Variants in EIF2AK3 observed in about 807,000 individuals in gnomAD.
EIF2AK3 encodes eukaryotic translation initiation factor 2 alpha kinase 3.
Under a neutral mutation model 113.5 loss-of-function variants are expected in EIF2AK3, and 50 were observed. The ratio of observed to expected loss-of-function variants is 0.44; its 90% CI spans 0.35 to 0.56. EIF2AK3 has a LOEUF of 0.56. Ranked by LOEUF, EIF2AK3 falls within the 20% of genes least tolerant of loss-of-function variation. The pLI, the probability that EIF2AK3 is intolerant of heterozygous loss-of-function variation, is 0.00. For missense variants in EIF2AK3, 1,185 were observed against 1,378.0 expected (o/e 0.86, Z 2.22); for synonymous variants, 448 against 495.4 (o/e 0.90, Z 1.27).
At chr2:88,588,950 GTTTT>G (rs541472156) in intron 6 of EIF2AK3, 49 bp from the exon 7 acceptor site, 83 of 1,595,468 alleles carry the variant, frequency 5.2e-5, no homozygotes, top group Non-Finnish European at 6.6e-5. Flanking sequence ...TTTTAAAAAG[GTTTT>G]TTTAATTAAA....
At position 88,586,006 on chromosome 2, in the gene EIF2AK3, C is replaced by G. The variant is rs1674720670; in HGVS notation, c.1485G>C (p.Gln495His). 6.2e-7 allele frequency: 1 copy of G among 1,614,122 alleles called. No individual in the cohort carries two copies. Among genetic ancestry groups the G allele is most frequent in the East Asian group, 2.2e-5 (1 of 44,876 alleles). The change falls in exon 9 of 17, where the codon CAG (glutamine) becomes CAC (histidine). Residue 495 changes from glutamine (Q) to histidine (H), a missense_variant. This residue lies in a region of EIF2AK3 where 877 missense variants were observed against 1,024.2 expected (regional missense o/e 0.86). Transcript: ENST00000303236. ...GGTTGTCGAGGAATCTGACTGTAAT[C>G]TGTGTGCTTCGTTTGTTCCTCTCCC... ...YKRERNKRSTQITVRFLDNPH... is the reference protein window; with the variant it reads ...YKRERNKRSTHITVRFLDNPH...
intron 1 of EIF2AK3, among the ~76,000 whole-genome samples, chr2:88,615,205 C>T (rs1159665701): frequency 6.6e-6 from 1 of 152,232 alleles, no homozygotes; most frequent in Non-Finnish European, 1.5e-5. Context: ...TGTCCACACT[C>T]CCATCTACCG....
In EIF2AK3 at chr2:88,625,336, C is replaced by CAGACAT. The variant is rs1553413159; in HGVS notation, c.308+1630_308+1631insATGTCT. Among the ~76,000 whole-genome samples the CAGACAT allele has an allele frequency of 1.8e-3, 229 of 128,984 alleles. 6 individuals are homozygous for CAGACAT. Among genetic ancestry groups the CAGACAT allele is most frequent in the East Asian group, 3.8e-3 (15 of 3,966 alleles). The allele number at this position is 128,984 out of a possible 152,430, so 84.6% of individuals were successfully genotyped here. ...ACACACACACACACACAGACATACACAGAGACAAAATGTTTTCCAAACATA... is the reference window on the plus strand; with the variant it reads ...ACACACACACACACACAGACATACACAGACATAGAGACAAAATGTTTTCCAAACATA... On this transcript the variant is annotated intron_variant, in intron 1 of 16. Coordinates refer to ENST00000303236, the MANE Select transcript of EIF2AK3 (RefSeq NM_004836.7).
intron 15 of EIF2AK3, among the ~76,000 whole-genome samples, chr2:88,561,711 T>C (rs999282829): frequency 2.0e-4 from 30 of 152,186 alleles, no homozygotes; most frequent in African/African-American, 7.2e-4. Flanking sequence ...AAAATAAAAT[T>C]AGCCAGGCAT....
intron 7 of EIF2AK3, among the ~76,000 whole-genome samples, chr2:88,588,516 T>C (rs1674796348): frequency 6.6e-6 from 1 of 152,196 alleles, no homozygotes; most frequent in African/African-American, 2.4e-5. Flanking sequence ...ATTAAGAGTT[T>C]TTCTAAGTTG....
intron 10 of EIF2AK3, 64 bp downstream of exon 10, chr2:88,583,366 G>A: frequency 7.6e-7 from 1 of 1,307,490 alleles, no homozygotes; most frequent in Non-Finnish European, 1.1e-6. Flanking sequence ...TAAAAAAAAA[G>A]TTAAACAAGA....
In EIF2AK3 at chr2:88,608,900, T is replaced by C. The variant is rs200659170; in HGVS notation, c.438+4824A>G. 1.2e-3 allele frequency among the ~76,000 whole-genome samples: 167 copies of C among 137,540 alleles called. 3 individuals are homozygous for C. The East Asian group carries it at 0.031, about 26-fold the overall frequency. The allele number at this position is 137,540 out of a possible 152,430, so 90.2% of individuals were successfully genotyped here. A position where few individuals can be genotyped will look rare whatever the true frequency, so the allele number is the denominator to read the frequency against. ...TTTTTGTATTTTTTTTTTTTTTTTG[T>C]ATTTTGTATTTTTTGTAGAGATGGG... is the stretch of plus-strand genomic sequence containing the variant. On this transcript the variant is annotated intron_variant, in intron 2 of 16. Transcript: ENST00000303236.
rs1673818495 is a variant in EIF2AK3, at chr2:88,557,729, C to T, written c.*7G>A. The T allele has an allele frequency of 6.2e-7, 1 of 1,613,962 alleles. No homozygotes were observed. Among genetic ancestry groups the T allele is most frequent in the South Asian group, 1.1e-5 (1 of 91,088 alleles). ...TCACCTATTAGGGTTGCTAGCACAA[C>T]TTAAGGCTAATTGCTTGGCAAAGGG... On this transcript the variant is annotated 3_prime_UTR_variant, in exon 17 of 17. Coordinates refer to ENST00000303236, the MANE Select transcript of EIF2AK3 (RefSeq NM_004836.7).
chr2:88,602,331 T>G (rs528669600), intron 2 of EIF2AK3, among the ~76,000 whole-genome samples: 2 of 152,254 alleles, frequency 1.3e-5, no homozygotes, highest in South Asian at 4.2e-4. Flanking sequence ...GGAGACTTGG[T>G]GAGACCAGTG....
rs1278146770 is a variant in EIF2AK3 at position 88,557,530 on chromosome 2, CCCTTT to C, written c.*201_*205del. ...AGAGACTAACAAAGAACAAAGATAG[CCCTTT>C]CCTTAAGTATAGCAAAACTCAGGAG... On this transcript the variant is annotated 3_prime_UTR_variant, in exon 17 of 17. Coordinates refer to ENST00000303236, the MANE Select transcript of EIF2AK3 (RefSeq NM_004836.7). 4.9e-6 allele frequency: 3 copies of C among 607,178 alleles called. No homozygotes were observed. Among genetic ancestry groups the C allele is most frequent in the Middle Eastern group, 4.5e-4 (1 of 2,240 alleles). The allele number at this position is 607,178 out of a possible 1,614,324, so 37.6% of individuals were successfully genotyped here.
At chr2:88,565,164 G>A (rs1674076026) in intron 14 of EIF2AK3, among the ~76,000 whole-genome samples, 2 of 150,164 alleles carry the variant, frequency 1.3e-5, no homozygotes, top group Non-Finnish European at 3.0e-5. Flanking sequence ...AGCCTCCCAA[G>A]TAGCTGGGAT....
At chr2:88,606,480 A>C in intron 2 of EIF2AK3, among the ~76,000 whole-genome samples, 1 of 152,198 alleles carries the variant, frequency 6.6e-6, no homozygotes, top group East Asian at 1.9e-4. Context: ...AAAGCAATTA[A>C]CCCAGGCAAT....
At chr2:88,626,559 T>G (rs781020812) in intron 1 of EIF2AK3, among the ~76,000 whole-genome samples, 28 of 152,120 alleles carry the variant, frequency 1.8e-4, no homozygotes, top group Admixed American at 7.9e-4. Flanking sequence ...GCAGACGTCT[T>G]TTGCTAAAGT....
At chr2:88,584,796 G>A (rs541971828) in intron 9 of EIF2AK3, among the ~76,000 whole-genome samples, 1 of 152,178 alleles carries the variant, frequency 6.6e-6, no homozygotes, top group South Asian at 2.1e-4. Context: ...GAGGTTAGAG[G>A]GATGAGCACC....
chr2:88,576,851 AAGAG>A (rs988582355), intron 11 of EIF2AK3, 148 bp from the exon 12 acceptor site: 6 of 870,214 alleles, frequency 6.9e-6, no homozygotes, highest in Admixed American at 5.5e-5. Flanking sequence ...TAGCCTGAAA[AAGAG>A]AGAAAGTAAG....
chr2:88,582,786 T>C (rs1674631941), intron 10 of EIF2AK3, among the ~76,000 whole-genome samples: 5 of 152,150 alleles, frequency 3.3e-5, no homozygotes, highest in African/African-American at 4.8e-5. Flanking sequence ...TTCCACGTCT[T>C]TTCCTTGTCC....
rs777931916 is a variant in EIF2AK3, at chr2:88,626,976, G to C, written c.299C>G (p.Pro100Arg). The C allele has an allele frequency of 6.2e-7, 1 of 1,608,942 alleles. No homozygotes were observed. The highest frequency in any genetic ancestry group is 1.1e-5 in the South Asian group (1 of 90,850). The change falls in exon 1 of 17, where the codon CCG becomes CGG. Residue 100 changes from proline (P) to arginine (R), a missense_variant. Physicochemically the swap from Pro to Arg is moderately radical, Grantham distance 103. This residue lies in a region of EIF2AK3 where 189 missense variants were observed against 175.2 expected (regional missense o/e 1.08). Transcript: ENST00000303236. ...GTCGGCAGCCCCTCACCTGCCGCGCGGTCGCAACTCTGTCTCATCGTCTGG... is the reference window on the plus strand; with the variant it reads ...GTCGGCAGCCCCTCACCTGCCGCGCCGTCGCAACTCTGTCTCATCGTCTGG... ...PEPDDETELR[P>R]RGRSLVIIST...
intron 9 of EIF2AK3, among the ~76,000 whole-genome samples, chr2:88,585,165 CAT>C (rs1573400996): frequency 1.3e-5 from 2 of 152,046 alleles, no homozygotes; most frequent in South Asian, 4.1e-4. Flanking sequence ...AAAACTGACA[CAT>C]AGAGAAGAAG....
intron 14 of EIF2AK3, among the ~76,000 whole-genome samples, chr2:88,566,703 T>A (rs1436803234): frequency 6.6e-6 from 1 of 152,160 alleles, no homozygotes; most frequent in Non-Finnish European, 1.5e-5. Flanking sequence ...ATCCTAGCAC[T>A]TTGGGAGGCC....
Sources: allele counts gnomAD v4.1 joint callset (sites outside exome capture counted in the v4.1 genomes callset), GRCh38; gene constraint gnomAD v4.1.1; regional missense constraint gnomAD v4.1.1; transcripts MANE v1.5; gene names NCBI Gene and HGNC (gene_info 2026-07-23, HGNC 2026-07-21).